Variants in BOD1L1 observed in about 807,000 individuals in gnomAD.
BOD1L1 encodes the protein biorientation of chromosomes in cell division protein 1-like 1.
A neutral mutation model predicts 240.7 loss-of-function variants in BOD1L1; 86 were observed. The observed-to-expected ratio is 0.36, with a 90% CI of 0.30 to 0.43. The LOEUF (loss-of-function observed/expected upper bound fraction) is 0.43, where lower values mean the gene tolerates loss of function less well. Among genes scored for constraint, BOD1L1 ranks in the 20% least tolerant of loss-of-function variants. The probability of loss-of-function intolerance (pLI) is 1.00; values close to 1 mark genes in which losing one functional copy is unlikely to be tolerated. For synonymous variants in BOD1L1, 1,268 were observed against 1,272.3 expected (o/e 1.00, Z 0.07); for missense variants, 3,554 against 3,643.5 (o/e 0.98, Z 0.63).
chr4:13,571,286 A>C (rs1282935517), intron 25 of BOD1L1, among the ~76,000 whole-genome samples: 1 of 152,246 alleles, frequency 6.6e-6, no homozygotes, highest in African/African-American at 2.4e-5. Context: ...TGAATCAAAG[A>C]GTTGGAAAAC....
At chr4:13,609,854 C>T (rs532081103) in intron 6 of BOD1L1, among the ~76,000 whole-genome samples, 2 of 152,248 alleles carry the variant, frequency 1.3e-5, no homozygotes, top group Admixed American at 1.3e-4. Flanking sequence ...AGTTCTACAA[C>T]ATATATGACT....
chr4:13,577,920 C>A, intron 22 of BOD1L1: 1 of 248,392 alleles, frequency 4.0e-6, no homozygotes, highest in Non-Finnish European at 7.6e-6. Context: ...TTTTTTTTTT[C>A]TAAGACAGAG....
intron 6 of BOD1L1, 45 bp from the exon 7 acceptor site, chr4:13,609,451 A>C: frequency 3.3e-6 from 4 of 1,208,464 alleles, no homozygotes; most frequent in Non-Finnish European, 4.5e-6. Flanking sequence ...CAAAGGCAAA[A>C]ACACACTGAA....
intron 15 of BOD1L1, 150 bp downstream of exon 15, chr4:13,588,572 T>C (rs1381314113): frequency 1.6e-5 from 10 of 635,218 alleles, no homozygotes; most frequent in South Asian, 8.9e-5. Context: ...TGAAAGGGCA[T>C]ATACAGGTAA....
chr4:13,571,661 T>C (rs903937159), intron 25 of BOD1L1, among the ~76,000 whole-genome samples: 3 of 152,142 alleles, frequency 2.0e-5, no homozygotes, highest in Admixed American at 6.5e-5. Flanking sequence ...AGGAGGGGCA[T>C]TGGTCACTGA....
chr4:13,569,835 T>C lies in BOD1L1; in HGVS notation c.*176A>G. 3 of 406,480 alleles carry C rather than the reference T, an allele frequency of 7.4e-6. No homozygotes were observed. The highest frequency in any genetic ancestry group is 4.5e-5 in the Admixed American group (1 of 22,446). The allele number at this position is 406,480 out of a possible 1,614,324, so 25.2% of individuals were successfully genotyped here. The stretch of plus-strand genomic sequence containing the variant: ...TCTGAAATAAATGTACATAATATCT[T>C]CTATGAACAATAGTTTATAAAGCTG... On this transcript the variant is annotated 3_prime_UTR_variant, in exon 26 of 26. Transcript: ENST00000040738.
In BOD1L1 at chr4:13,603,895, T is replaced by C. The variant is rs752637851; in HGVS notation, c.3005A>G (p.Lys1002Arg). 6.2e-7 allele frequency: 1 copy of C among 1,613,874 alleles called. No individual in the cohort carries two copies. The highest frequency in any genetic ancestry group is 2.2e-5 in the East Asian group (1 of 44,880). ...GGTGGAAGTGGAGTCTTTATCACTC[T>C]TATATTTCTCCTTTGCTAATGGTAA... is the stretch of plus-strand genomic sequence containing the variant. ...AKLPLAKEKY[K>R]SDKDSTSTRL... The change falls in exon 10 of 26, where the codon AAG becomes AGG. Residue 1002 changes from lysine to arginine, a missense_variant. Coordinates refer to ENST00000040738, the MANE Select transcript of BOD1L1 (RefSeq NM_148894.3).
chr4:13,603,184 T>C lies in BOD1L1; in HGVS notation c.3716A>G (p.His1239Arg). The C allele has an allele frequency of 6.2e-7, 1 of 1,614,080 alleles. No homozygotes were observed. Among genetic ancestry groups the C allele is most frequent in the Non-Finnish European group, 8.5e-7 (1 of 1,179,900 alleles). Residue 1239 changes from histidine to arginine, a missense_variant, in exon 10 of 26, where the codon CAT becomes CGT. Transcript: ENST00000040738. The stretch of plus-strand genomic sequence containing the variant: ...TGATGGGGCACTCAGTAACATTCTA[T>C]GAACAGTTTCAGAATCTATATTCAC... Reference protein sequence around the residue: ...TEVNIDSETVHRMLLSAPSEN... With the variant: ...TEVNIDSETVRRMLLSAPSEN...
chr4:13,625,888 A>T (rs1717350500), intron 1 of BOD1L1: 1 of 152,194 alleles, frequency 6.6e-6, no homozygotes, highest in Non-Finnish European at 1.5e-5. Flanking sequence ...TAGTGGGCCC[A>T]GTATGAGTCC....
intron 15 of BOD1L1, among the ~76,000 whole-genome samples, chr4:13,588,253 T>C (rs1020054675): frequency 1.3e-5 from 2 of 152,144 alleles, no homozygotes; most frequent in Admixed American, 1.3e-4. Context: ...AGACTAATTT[T>C]GTAAACTTCA....
chr4:13,582,679 T>G lies in BOD1L1; in HGVS notation c.8491A>C (p.Thr2831Pro). The G allele has an allele frequency of 6.2e-7, 1 of 1,612,934 alleles. No individual in the cohort carries two copies. Among genetic ancestry groups the G allele is most frequent in the Non-Finnish European group, 8.5e-7 (1 of 1,178,946 alleles). Residue 2831 changes from threonine (T) to proline (P), a missense_variant, in exon 18 of 26, where the codon ACT becomes CCT. Coordinates refer to ENST00000040738, the MANE Select transcript of BOD1L1 (RefSeq NM_148894.3). ...TTTTCTTCCATGACCCTTGAGGTAGTGCTATTTGTCTCAGAACTGGTTTTA... is the reference window on the plus strand; with the variant it reads ...TTTTCTTCCATGACCCTTGAGGTAGGGCTATTTGTCTCAGAACTGGTTTTA... ...LPKTSSETNS[T>P]TSRVMEEKDE...
At chr4:13,615,279 C>A (rs1464881289) in intron 3 of BOD1L1, 33 bp downstream of exon 3, 2 of 1,530,232 alleles carry the variant, frequency 1.3e-6, no homozygotes, top group Non-Finnish European at 1.8e-6. Flanking sequence ...AGAAGAAAAA[C>A]AATGGAACTG....
intron 6 of BOD1L1, among the ~76,000 whole-genome samples, chr4:13,610,576 C>T (rs1429584208): frequency 6.6e-6 from 1 of 152,204 alleles, no homozygotes; most frequent in Non-Finnish European, 1.5e-5. Flanking sequence ...GAATACTCTT[C>T]AGGCTATGTG....
intron 14 of BOD1L1, 31 bp from the exon 15 acceptor site, chr4:13,588,823 AT>A (rs1713942032): frequency 2.1e-6 from 3 of 1,461,620 alleles, no homozygotes; most frequent in Non-Finnish European, 2.8e-6. Context: ...AGAAAAAAAA[AT>A]CTTAAATATT....
Position 13,599,547 on chromosome 4 carries a change from CTCTT to C in BOD1L1, c.7349_7352del (p.Lys2450ArgfsTer7). 1 of 1,614,032 alleles carries C rather than the reference CTCTT, an allele frequency of 6.2e-7. No individual in the cohort carries two copies. The highest frequency in any genetic ancestry group is 8.5e-7 in the Non-Finnish European group (1 of 1,179,890). On this transcript the variant is annotated frameshift_variant, in exon 10 of 26. Coordinates refer to ENST00000040738, the MANE Select transcript of BOD1L1 (RefSeq NM_148894.3). LOFTEE classifies it high-confidence loss of function. The stretch of plus-strand genomic sequence containing the variant: ...CTGCATTTATGAGGTGTAAAGTGCT[CTCTT>C]TCTGTCCTCTTCCTGCAAATGGTCC...
At position 13,595,949 on chromosome 4, in the gene BOD1L1, A is replaced by G. The variant is rs1234122196; in HGVS notation, c.8020-5T>C. 1 of 1,612,784 alleles carries G rather than the reference A, an allele frequency of 6.2e-7. No homozygotes were observed. Among genetic ancestry groups the G allele is most frequent in the Non-Finnish European group, 8.5e-7 (1 of 1,179,472 alleles). The stretch of plus-strand genomic sequence containing the variant: ...TTCCTCTGAAGGCACATAAGCCTAA[A>G]AAATCCAAAGCACCATAAAAATAAG... On this transcript the variant is annotated splice_polypyrimidine_tract_variant and splice_region_variant and intron_variant, in intron 11 of 25. Coordinates refer to ENST00000040738, the MANE Select transcript of BOD1L1 (RefSeq NM_148894.3).
At chr4:13,617,436 G>A (rs548648513) in intron 2 of BOD1L1, among the ~76,000 whole-genome samples, 9 of 152,212 alleles carry the variant, frequency 5.9e-5, no homozygotes, top group Admixed American at 4.6e-4. Context: ...GAAAAATGGA[G>A]TCCAGTACCA....
chr4:13,600,621 T>A lies in BOD1L1; in HGVS notation c.6279A>T (p.Gly2093=), dbSNP rs1225651824. 1 of 1,613,910 alleles carries A rather than the reference T, an allele frequency of 6.2e-7. No homozygotes were observed. Among genetic ancestry groups the A allele is most frequent in the South Asian group, 1.1e-5 (1 of 91,062 alleles). ...PQVSAITDVE[G]GLSDALRTEE... is the part of the protein sequence containing the mutation. ...CAGTTCTCAGAGCATCTGAGAGACC[T>A]CCTTCCACATCTGTAATTGCGCTTA... Residue 2093 remains glycine (G), a synonymous_variant, in exon 10 of 26, where the codon GGA becomes GGT. Transcript: ENST00000040738.
intron 2 of BOD1L1, among the ~76,000 whole-genome samples, chr4:13,616,918 G>A (rs1195407970): frequency 1.3e-5 from 2 of 152,140 alleles, no homozygotes; most frequent in Admixed American, 6.5e-5. Flanking sequence ...ATAAGAAAAA[G>A]CAATCTTAAA....
Sources: gnomAD v4.1 joint callset for allele counts (sites outside exome capture counted in the v4.1 genomes callset) on GRCh38, gnomAD v4.1.1 for gene constraint, MANE v1.5 for transcripts, NCBI Gene and HGNC (gene_info 2026-07-23, HGNC 2026-07-21) for gene names.